PHACTR1: variants seen among roughly 807,000 people sequenced by gnomAD.
The protein encoded by PHACTR1 is RPEL repeat containing 1.
A neutral mutation model predicts 69.2 loss-of-function variants in PHACTR1; 16 were observed. That is an observed-to-expected ratio of 0.23 (90% confidence interval 0.16 to 0.35). PHACTR1 has a LOEUF of 0.35. Among genes scored for constraint, PHACTR1 ranks in the 10% least tolerant of loss-of-function variants. PHACTR1 has a pLI of 1.00. For missense variants in PHACTR1, 510 were observed against 734.7 expected, an observed-to-expected ratio of 0.69 and a Z score of 3.54; for synonymous variants, 312 against 284.5, an observed-to-expected ratio of 1.10 and a Z score of -0.97.
intron 4 of PHACTR1, among the ~76,000 whole-genome samples, chr6:12,816,543 C>A (rs998404688): frequency 2.0e-5 from 3 of 152,216 alleles, no homozygotes; most frequent in African/African-American, 7.2e-5. Flanking sequence ...GGTTGGGAGA[C>A]ATTTGTCAGT....
chr6:13,069,362 C>T (rs1809159914), intron 5 of PHACTR1, among the ~76,000 whole-genome samples: 1 of 152,064 alleles, frequency 6.6e-6, no homozygotes, highest in East Asian at 1.9e-4. Context: ...ATTCCTTTAA[C>T]ACTTCTTTTT....
chr6:12,750,208 T>A (rs2127596404), intron 4 of PHACTR1, among the ~76,000 whole-genome samples: 1 of 152,194 alleles, frequency 6.6e-6, no homozygotes, highest in South Asian at 2.1e-4. Context: ...CTTTGACGGG[T>A]TGACGCCGCC....
intron 4 of PHACTR1, among the ~76,000 whole-genome samples, chr6:12,999,381 C>T (rs1240859067): frequency 2.0e-5 from 3 of 152,112 alleles, no homozygotes; most frequent in African/African-American, 7.2e-5. Flanking sequence ...GGGTGGATCA[C>T]GAGATCAGGA....
chr6:13,033,551 A>G (rs1274891309), intron 4 of PHACTR1, among the ~76,000 whole-genome samples: 1 of 152,242 alleles, frequency 6.6e-6, no homozygotes, highest in Non-Finnish European at 1.5e-5. Context: ...TTAGATAAAG[A>G]AAAAAGAATT....
intron 4 of PHACTR1, among the ~76,000 whole-genome samples, chr6:12,807,184 A>T (rs1774441989): frequency 6.6e-6 from 1 of 152,026 alleles, no homozygotes; most frequent in South Asian, 2.1e-4. Context: ...ATGGGCTTTT[A>T]AAAAAAATCT....
chr6:13,153,363 C>G (rs976506847), intron 5 of PHACTR1, among the ~76,000 whole-genome samples: 2 of 152,108 alleles, frequency 1.3e-5, no homozygotes, highest in Non-Finnish European at 2.9e-5. Context: ...CCATTTTTGG[C>G]TATGTTTGGC....
intron 4 of PHACTR1, among the ~76,000 whole-genome samples, chr6:12,935,816 T>C (rs1395984859): frequency 6.6e-6 from 1 of 152,082 alleles, no homozygotes; most frequent in Non-Finnish European, 1.5e-5. Flanking sequence ...ACTAGCTGGG[T>C]TCTGTGTTTG....
chr6:13,271,430 G>A (rs1307830382), intron 10 of PHACTR1, among the ~76,000 whole-genome samples: 3 of 152,170 alleles, frequency 2.0e-5, no homozygotes, highest in Non-Finnish European at 4.4e-5. Context: ...GAATGTCACA[G>A]AAGCAATTGA....
At chr6:12,897,656 A>G (rs979769566) in intron 4 of PHACTR1, among the ~76,000 whole-genome samples, 2 of 151,864 alleles carry the variant, frequency 1.3e-5, no homozygotes, top group African/African-American at 2.4e-5. Flanking sequence ...AAAATGACTT[A>G]TTGTGTATTT....
chr6:12,874,217 G>A (rs1357281584), intron 4 of PHACTR1, among the ~76,000 whole-genome samples: 1 of 152,176 alleles, frequency 6.6e-6, no homozygotes, highest in East Asian at 1.9e-4. Flanking sequence ...TCCAGGTAAT[G>A]TCAGTGTTGC....
At chr6:12,950,491 G>A (rs1791157459) in intron 4 of PHACTR1, among the ~76,000 whole-genome samples, 1 of 152,222 alleles carries the variant, frequency 6.6e-6, no homozygotes, top group Admixed American at 6.5e-5. Context: ...TAGGATTGGA[G>A]ATATGATTGT....
chr6:12,748,340 AG>A (rs1010298959), intron 3 of PHACTR1, among the ~76,000 whole-genome samples: 2 of 152,164 alleles, frequency 1.3e-5, no homozygotes, highest in Non-Finnish European at 2.9e-5. Flanking sequence ...TGAAGTGGAG[AG>A]GGGGGGCTTG....
chr6:13,118,841 AC>A (rs1297413850), intron 5 of PHACTR1, among the ~76,000 whole-genome samples: 1 of 152,066 alleles, frequency 6.6e-6, no homozygotes, highest in African/African-American at 2.4e-5. Context: ...AGCTAGAACT[AC>A]CTGAGTTTGC....
At position 13,024,129 on chromosome 6, in the gene PHACTR1, A is replaced by C. The variant is rs556576469; in HGVS notation, c.251-29236A>C. 4.6e-5 allele frequency among the ~76,000 whole-genome samples: 7 copies of C among 151,124 alleles called. No individual in the cohort carries two copies. The South Asian group carries it at 1.0e-3, about 23-fold the overall frequency. ...AGCCTACCAGACTCAGTTGCATATTAGTTTGAATTATTGAGAGATGCATTA... is the reference window on the plus strand; with the variant it reads ...AGCCTACCAGACTCAGTTGCATATTCGTTTGAATTATTGAGAGATGCATTA... On this transcript the variant is annotated intron_variant, in intron 4 of 14. Coordinates refer to ENST00000332995, the MANE Select transcript of PHACTR1 (RefSeq NM_030948.6).
intron 4 of PHACTR1, among the ~76,000 whole-genome samples, chr6:13,017,328 T>C (rs1800340361): frequency 6.6e-6 from 1 of 152,124 alleles, no homozygotes; most frequent in African/African-American, 2.4e-5. Context: ...GGTGTCTGTT[T>C]ATATCTGTGT....
In PHACTR1 at chr6:13,091,506, G is replaced by A. The variant is rs557059383; in HGVS notation, c.415+37977G>A. Among the ~76,000 whole-genome samples, 7 of 152,330 alleles carry A rather than the reference G, an allele frequency of 4.6e-5. No homozygotes were observed. The South Asian group carries it at 1.4e-3, about 32-fold the overall frequency. On this transcript the variant is annotated intron_variant, in intron 5 of 14. Coordinates refer to ENST00000332995, the MANE Select transcript of PHACTR1 (RefSeq NM_030948.6). ...CCAGCTTTTTTGGCACCAGGGACCA[G>A]TTGTGTGGAAGACAATTTTTCTGCC...
intron 4 of PHACTR1, among the ~76,000 whole-genome samples, chr6:12,876,637 A>G (rs562250440): frequency 6.6e-6 from 1 of 152,354 alleles, no homozygotes; most frequent in African/African-American, 2.4e-5. Context: ...ACTAAGAAGC[A>G]TTGATTCCAA....
intron 4 of PHACTR1, among the ~76,000 whole-genome samples, chr6:12,789,164 A>G (rs759284076): frequency 1.1e-4 from 16 of 152,176 alleles, no homozygotes; most frequent in Non-Finnish European, 1.6e-4. Flanking sequence ...TTTTGCTGAG[A>G]TCACTAATGA....
rs1554147639 is a variant in PHACTR1 at position 13,179,745 on chromosome 6, T to TAGATAGATAGAC, written c.497-2771_497-2770insTAGATAGACAGA. ...ATAGATAGATAGATAGATAGATAGA[T>TAGATAGATAGAC]AGACAGAACAAGGTTATCAATATTA... is the stretch of plus-strand genomic sequence containing the variant. On this transcript the variant is annotated intron_variant, in intron 6 of 14. Transcript: ENST00000332995. The surrounding 1 kb of genome is among the most constrained non-coding windows in gnomAD (Gnocchi z 4.2). Among the ~76,000 whole-genome samples the TAGATAGATAGAC allele has an allele frequency of 5.0e-5, 6 of 119,360 alleles. No individual in the cohort carries two copies. The highest frequency in any genetic ancestry group is 1.7e-4 in the African/African-American group (5 of 29,316). 78.3% of individuals were successfully genotyped at this position (119,360 alleles called of 152,430 possible).
Sources: gnomAD v4.1 joint callset for allele counts (sites outside exome capture counted in the v4.1 genomes callset) on GRCh38, gnomAD v4.1.1 for gene constraint, Gnocchi (gnomAD v3.1) non-coding constraint, MANE v1.5 for transcripts, NCBI Gene and HGNC (gene_info 2026-07-23, HGNC 2026-07-21) for gene names.